Variants in RIN3 observed in about 807,000 individuals in gnomAD.
RIN3 encodes RAB5 interacting protein 3.
A neutral mutation model predicts 76.3 loss-of-function variants in RIN3; 54 were observed. The ratio of observed to expected loss-of-function variants is 0.71; its 90% CI spans 0.57 to 0.89. The LOEUF is 0.89. Ranked by LOEUF, RIN3 falls within the 40% of genes least tolerant of loss-of-function variation. The pLI, the probability that RIN3 is intolerant of heterozygous loss-of-function variation, is 0.00. For synonymous variants in RIN3, 576 were observed against 564.0 expected (o/e 1.02, Z -0.30); for missense variants, 1,256 against 1,322.1 (o/e 0.95, Z 0.78).
At chr14:92,589,742 C>T (rs1884912857) in intron 3 of RIN3, among the ~76,000 whole-genome samples, 1 of 152,226 alleles carries the variant, frequency 6.6e-6, no homozygotes, top group South Asian at 2.1e-4. Flanking sequence ...GTTGTCTCTC[C>T]TCCATTCCTG....
chr14:92,622,276 A>C (rs1886208390), intron 4 of RIN3, among the ~76,000 whole-genome samples: 1 of 152,174 alleles, frequency 6.6e-6, no homozygotes, highest in African/African-American at 2.4e-5. Context: ...GTGGGCTCCA[A>C]TCTTAGAGTG....
At chr14:92,561,678 A>T (rs1488131435) in intron 2 of RIN3, among the ~76,000 whole-genome samples, 3 of 152,042 alleles carry the variant, frequency 2.0e-5, no homozygotes, top group African/African-American at 4.8e-5. Flanking sequence ...TACTTTATTC[A>T]GATTTCCTGA....
rs541736770 is a variant in RIN3, at chr14:92,546,151, G to C, written c.45-9600G>C. Among the ~76,000 whole-genome samples the C allele has an allele frequency of 6.6e-5, 10 of 152,068 alleles. No homozygotes were observed. In the East Asian group the frequency reaches 1.9e-3, roughly 30 times the overall value. ...TGTTGGCCAGGCTGGTCTTGAACTC[G>C]TGACCTCAAATGATCCACCTACCTC... On this transcript the variant is annotated intron_variant, in intron 1 of 9. Transcript: ENST00000216487.
intron 4 of RIN3, among the ~76,000 whole-genome samples, chr14:92,635,030 A>C (rs1368597587): frequency 6.6e-6 from 1 of 152,144 alleles, no homozygotes. Context: ...ACAAGTGTCT[A>C]GTTCCCTTTG....
intron 2 of RIN3, among the ~76,000 whole-genome samples, chr14:92,563,301 C>T (rs1468052996): frequency 1.3e-5 from 2 of 152,170 alleles, no homozygotes; most frequent in African/African-American, 2.4e-5. Flanking sequence ...GCAGAAGTTG[C>T]AGTGAGAAAA....
intron 1 of RIN3, among the ~76,000 whole-genome samples, chr14:92,530,300 T>C (rs930437783): frequency 1.3e-5 from 2 of 152,222 alleles, no homozygotes; most frequent in Non-Finnish European, 2.9e-5. Context: ...TTCAGTGACA[T>C]TGAAGTGTTC....
chr14:92,561,170 T>TATAC lies in RIN3; in HGVS notation c.249+5216_249+5219dup, dbSNP rs1415662171. Reference sequence around the variant, plus strand: ...TTTTATATATATATTTATATATATATATACCGACACCATGGGTGGTCCCCA... The same window carrying TATAC: ...TTTTATATATATATTTATATATATATATACATACCGACACCATGGGTGGTCCCCA... On this transcript the variant is annotated intron_variant, in intron 2 of 9. Transcript: ENST00000216487. Among the ~76,000 whole-genome samples the TATAC allele has an allele frequency of 2.3e-4, 33 of 145,906 alleles. 2 individuals carry two copies. Among genetic ancestry groups the TATAC allele is most frequent in the African/African-American group, 8.0e-4 (32 of 39,774 alleles).
At chr14:92,677,522 T>C (rs1346718133) in intron 8 of RIN3, among the ~76,000 whole-genome samples, 1 of 152,192 alleles carries the variant, frequency 6.6e-6, no homozygotes. Flanking sequence ...GATAGTTCCA[T>C]GAGTTGTTGA....
In RIN3 at chr14:92,526,621, C is replaced by T. The variant is rs539168045; in HGVS notation, c.44+12645C>T. On this transcript the variant is annotated intron_variant, in intron 1 of 9. Transcript: ENST00000216487. ...TACAAAAATTAGCTGGGCGTGGTGG[C>T]GTGTGCCTGTAGTTCCAGCTACTCA... 1.1e-4 allele frequency among the ~76,000 whole-genome samples: 16 copies of T among 151,620 alleles called. No individual in the cohort carries two copies. The South Asian group carries it at 1.5e-3, about 14-fold the overall frequency.
intron 7 of RIN3, among the ~76,000 whole-genome samples, chr14:92,670,557 G>A (rs754442392): frequency 5.3e-5 from 8 of 152,208 alleles, no homozygotes; most frequent in African/African-American, 9.6e-5. Context: ...GACCCAGTGC[G>A]TTTAAACAAT....
intron 3 of RIN3, among the ~76,000 whole-genome samples, chr14:92,591,049 A>G (rs1232134768): frequency 6.6e-6 from 1 of 152,352 alleles, no homozygotes; most frequent in Non-Finnish European, 1.5e-5. Flanking sequence ...AATTTAAAGC[A>G]ACTATGATTA....
intron 1 of RIN3, among the ~76,000 whole-genome samples, chr14:92,517,048 C>T (rs1018279920): frequency 4.6e-5 from 7 of 152,170 alleles, no homozygotes; most frequent in Admixed American, 3.3e-4. Flanking sequence ...AGAGCAGAGA[C>T]GGAAAGAATG....
intron 4 of RIN3, among the ~76,000 whole-genome samples, chr14:92,636,427 TAC>T (rs1014153857): frequency 6.6e-6 from 1 of 151,938 alleles, no homozygotes; most frequent in African/African-American, 2.4e-5. Flanking sequence ...CTACTAAAAA[TAC>T]AAAAATTAGC....
intron 2 of RIN3, among the ~76,000 whole-genome samples, chr14:92,573,341 A>G (rs867611214): frequency 6.6e-6 from 1 of 152,198 alleles, no homozygotes; most frequent in Non-Finnish European, 1.5e-5. Context: ...CAGGTAGCTA[A>G]CACTCCTAGA....
intron 7 of RIN3, among the ~76,000 whole-genome samples, chr14:92,665,949 G>A (rs1888083051): frequency 6.6e-6 from 1 of 151,856 alleles, no homozygotes; most frequent in African/African-American, 2.4e-5. Flanking sequence ...GCTACCCGAG[G>A]TGTGGTATGC....
intron 3 of RIN3, among the ~76,000 whole-genome samples, chr14:92,594,490 T>A (rs1253676991): frequency 1.3e-5 from 2 of 150,160 alleles, no homozygotes; most frequent in African/African-American, 2.4e-5. Context: ...CACAAGGGAA[T>A]TAAACTAGAA....
At chr14:92,545,402 G>A (rs893885871) in intron 1 of RIN3, among the ~76,000 whole-genome samples, 12 of 151,922 alleles carry the variant, frequency 7.9e-5, no homozygotes, top group African/African-American at 2.4e-4. Context: ...GAGCCACCGC[G>A]CCCGGCCTAA....
In RIN3 at chr14:92,555,929, A is replaced by G; in HGVS notation, c.223A>G (p.Arg75Gly). 1 of 1,613,074 alleles carries G rather than the reference A, an allele frequency of 6.2e-7. No homozygotes were observed. The highest frequency in any genetic ancestry group is 8.5e-7 in the Non-Finnish European group (1 of 1,179,976). Residue 75 changes from arginine (R) to glycine (G), a missense_variant, in exon 2 of 10, where the codon AGG becomes GGG. Arg to Gly is a moderately radical substitution (Grantham distance 125). Coordinates refer to ENST00000216487, the MANE Select transcript of RIN3 (RefSeq NM_024832.5). ...QLSLGQAEVA[R>G]ILHRVVAGMF... is the part of the protein sequence containing the mutation. Reference sequence around the variant, plus strand: ...GAGTCTGGGCCAGGCAGAGGTGGCCAGGATCCTGCACCGGGTGGTGGCTGG... The same window carrying G: ...GAGTCTGGGCCAGGCAGAGGTGGCCGGGATCCTGCACCGGGTGGTGGCTGG...
intron 2 of RIN3, among the ~76,000 whole-genome samples, chr14:92,562,386 G>T (rs1011339543): frequency 6.6e-6 from 1 of 152,068 alleles, no homozygotes; most frequent in South Asian, 2.1e-4. Context: ...GAAGGCAGTC[G>T]GTGTGCTCAG....
Sources: allele counts gnomAD v4.1 joint callset (sites outside exome capture counted in the v4.1 genomes callset), GRCh38; gene constraint gnomAD v4.1.1; transcripts MANE v1.5; gene names NCBI Gene and HGNC (gene_info 2026-07-23, HGNC 2026-07-21).